ARL17A: variants seen among roughly 807,000 people sequenced by gnomAD.
The protein encoded by ARL17A is ADP-ribosylation factor-like 17-like.
At chr17:46,540,949 TAAGTC>T (rs879757142) in intron 3 of ARL17A, 23,920 of 1,058,478 alleles carry the variant, frequency 0.023, 239 homozygotes, top group Middle Eastern at 0.085. Flanking sequence ...ATTATTTTCT[TAAGTC>T]AGGTTCATTG....
chr17:46,533,165 C>A (rs1449001438), intron 4 of ARL17A, among the ~76,000 whole-genome samples: 4 of 103,984 alleles, frequency 3.8e-5, no homozygotes, highest in Non-Finnish European at 5.5e-5. Context: ...TACCTATAAT[C>A]CCTGTACTTT....
Position 46,554,946 on chromosome 17 carries a change from CCTTCTGGGCAGACATGGAGAG to C in ARL17A, c.*2389_*2409del. ...AAGTCCCCCCAGTATATTGTGGGGCCCTTCTGGGCAGACATGGAGAGCTTCTGAAAGTCCCACATGCATGGA... is the reference window on the plus strand; with the variant it reads ...AAGTCCCCCCAGTATATTGTGGGGCCCTTCTGAAAGTCCCACATGCATGGA... On this transcript the variant is annotated 3_prime_UTR_variant, in exon 4 of 4. Coordinates refer to ENST00000336125, the MANE Select transcript of ARL17A (RefSeq NM_001113738.2). 1 of 309,864 alleles carries C rather than the reference CCTTCTGGGCAGACATGGAGAG, an allele frequency of 3.2e-6. No individual in the cohort carries two copies. 19.2% of individuals were successfully genotyped at this position (309,864 alleles called of 1,614,324 possible). A position where few individuals can be genotyped will look rare whatever the true frequency, so the allele number is the denominator to read the frequency against.
At chr17:46,503,211 C>CAAA in the ARL17A span, among the ~76,000 whole-genome samples, 80 of 72,390 alleles carry the variant, frequency 1.1e-3, 1 homozygote, top group Non-Finnish European at 1.8e-3. Flanking sequence ...GACTCCGTCT[C>CAAA]AAAAAAAAAA....
chr17:46,543,884 A>G (rs1474586971), intron 3 of ARL17A, among the ~76,000 whole-genome samples: 1 of 149,346 alleles, frequency 6.7e-6, no homozygotes, highest in Non-Finnish European at 1.5e-5. Flanking sequence ...TGGGAGGCCA[A>G]AGAGAGAGGG....
At chr17:46,545,869 C>T (rs554197706) in intron 3 of ARL17A, among the ~76,000 whole-genome samples, 8 of 150,268 alleles carry the variant, frequency 5.3e-5, no homozygotes, top group Middle Eastern at 3.4e-3. Flanking sequence ...ATAATATTTC[C>T]CACTCCCAAC....
chr17:46,500,528 C>T, the ARL17A span, among the ~76,000 whole-genome samples: 2 of 149,710 alleles, frequency 1.3e-5, no homozygotes, highest in Non-Finnish European at 2.9e-5. Context: ...TTAGGAAGGA[C>T]TGTTTCGAGG....
At chr17:46,558,312 G>A (rs2057394682) in intron 3 of ARL17A, among the ~76,000 whole-genome samples, 1 of 109,922 alleles carries the variant, frequency 9.1e-6, no homozygotes. Context: ...CACCCGCCCT[G>A]GCCTCCCAAA....
Position 46,522,476 on chromosome 17 carries a change from G to A in ARL17A, c.260-5243C>T, listed in dbSNP as rs1378010201. Among the ~76,000 whole-genome samples, 53 of 123,500 alleles carry A rather than the reference G, an allele frequency of 4.3e-4. 1 individual carries two copies. The highest frequency in any genetic ancestry group is 5.4e-4 in the Admixed American group (7 of 12,880). The allele number at this position is 123,500 out of a possible 152,430, so 81.0% of individuals were successfully genotyped here. ...GTTTGTTTGTTTGAGACGGAATCTC[G>A]CTCTGTCGCCCAGGCTGGAGTGCAG... On this transcript the variant is annotated intron_variant, in intron 3 of 4. Transcript: ENST00000445552.
At chr17:46,539,768 CAAAAAA>C (rs1204528686) in intron 3 of ARL17A, among the ~76,000 whole-genome samples, 11 of 67,028 alleles carry the variant, frequency 1.6e-4, no homozygotes, top group East Asian at 3.6e-4. Context: ...GACTCCATCT[CAAAAAA>C]AAAAAAAAAA....
At chr17:46,502,823 G>T in the ARL17A span, among the ~76,000 whole-genome samples, 114 of 151,220 alleles carry the variant, frequency 7.5e-4, 5 homozygotes, top group African/African-American at 2.5e-3. Context: ...CCACCCAGGG[G>T]CTCAGAGCCC....
At chr17:46,548,769 C>T, downstream of ARL17A, 1 of 1,611,332 alleles carries the variant, frequency 6.2e-7, no homozygotes. Flanking sequence ...GGAGTCCAGC[C>T]CCAAGGGAGG....
intron 3 of ARL17A, among the ~76,000 whole-genome samples, chr17:46,517,680 CTTTTTTT>C (rs1180779573): frequency 1.4e-3 from 1 of 706 alleles, no homozygotes; most frequent in African/African-American, 0.015. Context: ...TTTTTGTTCT[CTTTTTTT>C]TTTTTTTTTT....
At chr17:46,501,038 C>T in the ARL17A span, among the ~76,000 whole-genome samples, 2 of 151,248 alleles carry the variant, frequency 1.3e-5, no homozygotes, top group African/African-American at 2.5e-5. Flanking sequence ...AAAAAATTAG[C>T]TGGGCATGGT....
intron 4 of ARL17A, among the ~76,000 whole-genome samples, chr17:46,534,861 G>A (rs1174244083): frequency 5.3e-5 from 8 of 149,714 alleles, no homozygotes; most frequent in African/African-American, 1.5e-4. Context: ...GGCGGCTGCC[G>A]GGCAGAGGGG....
At chr17:46,500,401 GAGA>G in the ARL17A span, among the ~76,000 whole-genome samples, 4 of 147,348 alleles carry the variant, frequency 2.7e-5, no homozygotes, top group Admixed American at 1.4e-4. Flanking sequence ...ATTATTTGGG[GAGA>G]AGGATAAAAA....
intron 2 of ARL17A, among the ~76,000 whole-genome samples, chr17:46,573,004 A>G (rs2057696270): frequency 3.2e-5 from 1 of 31,352 alleles, no homozygotes; most frequent in East Asian, 4.3e-4. Context: ...GGAGGAAGGG[A>G]GGAAGGGAGG....
chr17:46,502,102 C>T, the ARL17A span, among the ~76,000 whole-genome samples: 461 of 151,274 alleles, frequency 3.0e-3, 28 homozygotes, highest in African/African-American at 8.9e-3. Flanking sequence ...GTTTTTAGTG[C>T]GCTTTGGACC....
chr17:46,553,594 C>G lies in ARL17A; in HGVS notation c.*3762G>C, dbSNP rs2057045470. 1.7e-6 allele frequency: 2 copies of G among 1,177,844 alleles called. No individual in the cohort carries two copies. The highest frequency in any genetic ancestry group is 2.6e-5 in the Admixed American group (1 of 39,172). The allele number at this position is 1,177,844 out of a possible 1,614,324, so 73.0% of individuals were successfully genotyped here. On this transcript the variant is annotated 3_prime_UTR_variant, in exon 4 of 4. Coordinates refer to ENST00000336125, the MANE Select transcript of ARL17A (RefSeq NM_001113738.2). ...CAAGCGATTCTCCTGCCTCAGCCTCCCGAGTAGCTGGGATTACAGGCATGC... is the reference window on the plus strand; with the variant it reads ...CAAGCGATTCTCCTGCCTCAGCCTCGCGAGTAGCTGGGATTACAGGCATGC...
intron 3 of ARL17A, among the ~76,000 whole-genome samples, chr17:46,539,493 T>C (rs1424670017): frequency 6.6e-6 from 1 of 151,338 alleles, no homozygotes; most frequent in Non-Finnish European, 1.5e-5. Context: ...CCAGCCGCAG[T>C]GGCTCATGCC....
Sources: allele counts gnomAD v4.1 joint callset (sites outside exome capture counted in the v4.1 genomes callset), GRCh38; gene constraint gnomAD v4.1.1; transcripts MANE v1.5; gene names NCBI Gene and HGNC (gene_info 2026-07-23, HGNC 2026-07-21).